Variants in NELL1 observed in about 807,000 individuals in gnomAD.
NELL1 encodes the protein protein kinase C-binding protein NELL1.
A neutral mutation model predicts 107.4 loss-of-function variants in NELL1; 76 were observed. That is an observed-to-expected ratio of 0.71 (90% CI 0.59 to 0.86). NELL1 has a LOEUF of 0.86. NELL1 is among the 40% of genes least tolerant of loss of function. The pLI, the probability that NELL1 is intolerant of heterozygous loss-of-function variation, is 0.00. For synonymous variants in NELL1, 353 were observed against 341.2 expected, an observed-to-expected ratio of 1.03 and a Z score of -0.38; for missense variants, 1,024 against 1,005.5, an observed-to-expected ratio of 1.02 and a Z score of -0.25.
At chr11:21,382,580 GA>G (rs1308503444) in intron 15 of NELL1, among the ~76,000 whole-genome samples, 2 of 151,818 alleles carry the variant, frequency 1.3e-5, no homozygotes, top group Non-Finnish European at 2.9e-5. Flanking sequence ...ATTATATCAA[GA>G]ATGGGGGAAG....
intron 15 of NELL1, among the ~76,000 whole-genome samples, chr11:21,515,655 G>A (rs1283813616): frequency 6.6e-6 from 1 of 152,108 alleles, no homozygotes; most frequent in African/African-American, 2.4e-5. Flanking sequence ...TAAAGATATT[G>A]TATGATAGCA....
At chr11:21,138,463 A>C (rs1855793057) in intron 13 of NELL1, among the ~76,000 whole-genome samples, 1 of 152,210 alleles carries the variant, frequency 6.6e-6, no homozygotes, top group Non-Finnish European at 1.5e-5. Flanking sequence ...CAAGAAAATA[A>C]AAAGTGAACA....
rs1027740844 is a variant in NELL1, at chr11:20,753,088, C to T, written c.185-30592C>T. ...AAATTAAGCCCTAATTTGGTTATAA[C>T]AGGAAGAGGGCCTCAATGTGCTTTA... is the stretch of plus-strand genomic sequence containing the variant. On this transcript the variant is annotated intron_variant, in intron 2 of 19. Transcript: ENST00000357134. Among the ~76,000 whole-genome samples the T allele has an allele frequency of 7.2e-5, 11 of 152,174 alleles. No individual in the cohort carries two copies. The South Asian group carries it at 8.3e-4, about 11-fold the overall frequency.
chr11:20,713,340 G>T (rs1034128474), intron 2 of NELL1, among the ~76,000 whole-genome samples: 9 of 152,284 alleles, frequency 5.9e-5, no homozygotes, highest in Admixed American at 4.6e-4. Flanking sequence ...GCTTGCTGCA[G>T]CCACTGTGAG....
At chr11:21,156,352 G>C (rs920219861) in intron 13 of NELL1, among the ~76,000 whole-genome samples, 1 of 152,204 alleles carries the variant, frequency 6.6e-6, no homozygotes, top group East Asian at 1.9e-4. Flanking sequence ...TGCCAGAGTA[G>C]AGAAGGTTAA....
chr11:21,125,360 G>T (rs1855463689), intron 13 of NELL1, among the ~76,000 whole-genome samples: 1 of 152,136 alleles, frequency 6.6e-6, no homozygotes, highest in African/African-American at 2.4e-5. Context: ...GACTTTGAAA[G>T]ATTAAGGTTT....
chr11:20,945,197 A>G (rs908158139), intron 10 of NELL1, among the ~76,000 whole-genome samples: 4 of 152,212 alleles, frequency 2.6e-5, no homozygotes, highest in Non-Finnish European at 5.9e-5. Flanking sequence ...GAAACCAGTG[A>G]GGGTGTGGGG....
At chr11:21,145,269 TTAAA>T (rs1375661353) in intron 13 of NELL1, among the ~76,000 whole-genome samples, 1 of 152,178 alleles carries the variant, frequency 6.6e-6, no homozygotes, top group Non-Finnish European at 1.5e-5. Flanking sequence ...AAGACTTAGG[TTAAA>T]TAATTTATCC....
At chr11:21,476,612 C>A (rs945465884) in intron 15 of NELL1, among the ~76,000 whole-genome samples, 15 of 152,076 alleles carry the variant, frequency 9.9e-5, no homozygotes, top group African/African-American at 2.9e-4. Flanking sequence ...AAGGAGGAAC[C>A]TTCATAAGAA....
chr11:21,267,621 T>C (rs78563269), intron 14 of NELL1, among the ~76,000 whole-genome samples: 2,795 of 151,730 alleles, frequency 0.018, 96 homozygotes, highest in African/African-American at 0.064. Flanking sequence ...TTCCTGGGAG[T>C]GTGTCTCATA....
At chr11:21,031,982 T>C (rs1300282258) in intron 12 of NELL1, among the ~76,000 whole-genome samples, 1 of 151,364 alleles carries the variant, frequency 6.6e-6, no homozygotes, top group Non-Finnish European at 1.5e-5. Context: ...GAGGCGGAGG[T>C]TGCAGTGAGC....
chr11:21,226,285 G>A (rs1317957002), intron 13 of NELL1, among the ~76,000 whole-genome samples: 2 of 152,040 alleles, frequency 1.3e-5, no homozygotes, highest in Non-Finnish European at 2.9e-5. Context: ...TAGGAATTGG[G>A]GGCAAAAATA....
chr11:21,476,171 G>T (rs1428398585), intron 15 of NELL1, among the ~76,000 whole-genome samples: 1 of 152,084 alleles, frequency 6.6e-6, no homozygotes, highest in East Asian at 1.9e-4. Context: ...AGGTTATTCT[G>T]TAAAAATATA....
chr11:20,828,768 T>C (rs1466132792), intron 3 of NELL1, among the ~76,000 whole-genome samples: 3 of 152,228 alleles, frequency 2.0e-5, no homozygotes, highest in African/African-American at 7.2e-5. Context: ...ACTTTCTATC[T>C]GTTCTTAAGT....
chr11:21,408,255 C>T (rs1852282772), intron 15 of NELL1, among the ~76,000 whole-genome samples: 1 of 152,032 alleles, frequency 6.6e-6, no homozygotes, highest in African/African-American at 2.4e-5. Flanking sequence ...GCTCCCATCT[C>T]ATAGGAGCTT....
chr11:21,337,731 CTTTCCTTT>C (rs1850440586), intron 14 of NELL1, among the ~76,000 whole-genome samples: 3 of 150,998 alleles, frequency 2.0e-5, no homozygotes, highest in Admixed American at 6.6e-5. Context: ...TCTTTTCTTT[CTTTCCTTT>C]CTTTCTTTCT....
At chr11:20,736,034 G>A (rs1237219763) in intron 2 of NELL1, among the ~76,000 whole-genome samples, 1 of 152,140 alleles carries the variant, frequency 6.6e-6, no homozygotes, top group African/African-American at 2.4e-5. Flanking sequence ...CTTGGCATCA[G>A]GAGGAAAGGG....
At chr11:20,905,636 G>A (rs565671076) in intron 5 of NELL1, among the ~76,000 whole-genome samples, 2 of 152,176 alleles carry the variant, frequency 1.3e-5, no homozygotes, top group African/African-American at 4.8e-5. Flanking sequence ...AGTACAACTG[G>A]AATAAAACAC....
At chr11:21,410,752 G>C (rs1364662077) in intron 15 of NELL1, among the ~76,000 whole-genome samples, 3 of 151,906 alleles carry the variant, frequency 2.0e-5, no homozygotes, top group Non-Finnish European at 4.4e-5. Context: ...TTGATACAAG[G>C]TTGCCTGCCA....
Sources: gnomAD v4.1 joint callset for allele counts (sites outside exome capture counted in the v4.1 genomes callset) on GRCh38, gnomAD v4.1.1 for gene constraint, MANE v1.5 for transcripts, NCBI Gene and HGNC (gene_info 2026-07-23, HGNC 2026-07-21) for gene names.